POLQ: variants seen among roughly 807,000 people sequenced by gnomAD.
The protein encoded by POLQ is epididymis secretory sperm binding protein.
POLQ carries 233 observed loss-of-function variants against 259.2 expected under a neutral mutation model. The observed-to-expected ratio is 0.90, with a 90% confidence interval of 0.81 to 1.00. The LOEUF is 1.00. Among genes scored for constraint, POLQ ranks in the 50% least tolerant of loss-of-function variants. The probability of loss-of-function intolerance (pLI) is 0.00; values close to 1 mark genes in which losing one functional copy is unlikely to be tolerated. For synonymous variants in POLQ, 1,025 were observed against 1,048.8 expected (o/e 0.98, Z 0.44); for missense variants, 2,871 against 3,051.6 (o/e 0.94, Z 1.39).
At chr3:121,453,183 T>G (rs1439940287) in intron 25 of POLQ, among the ~76,000 whole-genome samples, 1 of 152,136 alleles carries the variant, frequency 6.6e-6, no homozygotes, top group East Asian at 1.9e-4. Flanking sequence ...GAGGGTCCTG[T>G]CTGTTAGAAG....
chr3:121,480,284 G>A (rs2047960291), intron 19 of POLQ, among the ~76,000 whole-genome samples: 1 of 151,998 alleles, frequency 6.6e-6, no homozygotes, highest in African/African-American at 2.4e-5. Flanking sequence ...TATGTCAGAT[G>A]AGAATACCTC....
At chr3:121,497,724 A>G (rs2048135927) in intron 13 of POLQ, among the ~76,000 whole-genome samples, 2 of 152,208 alleles carry the variant, frequency 1.3e-5, no homozygotes, top group Admixed American at 1.3e-4. Flanking sequence ...GGCATGAGCC[A>G]CTGCACCCAG....
intron 9 of POLQ, among the ~76,000 whole-genome samples, chr3:121,519,383 T>TAC (rs1560105386): frequency 6.9e-6 from 1 of 145,552 alleles, no homozygotes; most frequent in Non-Finnish European, 1.5e-5. Flanking sequence ...TATATATATA[T>TAC]ATGAAAATTA....
rs997289677 is a variant in POLQ, at chr3:121,544,921, A to G, written c.164-15T>C. Reference sequence around the variant, plus strand: ...CTTGCATTCTCCTTTTAGGAAAAAGAAAAAATTAAAATTTAATTTACTTCT... The same window carrying G: ...CTTGCATTCTCCTTTTAGGAAAAAGGAAAAATTAAAATTTAATTTACTTCT... On this transcript the variant is annotated splice_polypyrimidine_tract_variant and intron_variant, in intron 1 of 29. Coordinates refer to ENST00000264233, the MANE Select transcript of POLQ (RefSeq NM_199420.4). 2.0e-6 allele frequency: 3 copies of G among 1,521,282 alleles called. No homozygotes were observed. The African/African-American group carries it at 4.2e-5, about 21-fold the overall frequency. 94.2% of individuals were successfully genotyped at this position (1,521,282 alleles called of 1,614,324 possible).
rs534898552 is a variant in POLQ at position 121,463,766 on chromosome 3, C to CT, written c.6968-3533dup. Among the ~76,000 whole-genome samples the CT allele has an allele frequency of 3.7e-3, 567 of 151,930 alleles. 2 individuals carry two copies. The highest frequency in any genetic ancestry group is 0.013 in the African/African-American group (540 of 41,476). ...GCTCTAGCTTTGTCATTAAAAACTT[C>CT]TTTTTTTTAGATTTTTAAACAGGAG... On this transcript the variant is annotated intron_variant, in intron 24 of 29. Coordinates refer to ENST00000264233, the MANE Select transcript of POLQ (RefSeq NM_199420.4).
In POLQ at chr3:121,488,765, T is replaced by G; in HGVS notation, c.4166A>C (p.His1389Pro). 6.2e-7 allele frequency: 1 copy of G among 1,613,906 alleles called. No homozygotes were observed. Among genetic ancestry groups the G allele is most frequent in the Non-Finnish European group, 8.5e-7 (1 of 1,179,834 alleles). The change falls in exon 16 of 30, where the codon CAT (histidine) becomes CCT (proline). Residue 1389 changes from histidine to proline, a missense_variant. Transcript: ENST00000264233. The stretch of plus-strand genomic sequence containing the variant: ...AGTACCTACAGTCTTAAGGTCCAAA[T>G]GATCTATCTTAGTCGCTCCTAGAGG... ...QHPLGATKID[H>P]LDLKTVGTMK...
intron 7 of POLQ, among the ~76,000 whole-genome samples, chr3:121,526,013 T>C (rs1268350676): frequency 6.6e-6 from 1 of 152,154 alleles, no homozygotes; most frequent in Non-Finnish European, 1.5e-5. Context: ...TCTATCGGGG[T>C]TCTCTTCCAT....
chr3:121,542,682 C>T (rs2108822913), intron 2 of POLQ, among the ~76,000 whole-genome samples: 1 of 152,246 alleles, frequency 6.6e-6, no homozygotes, highest in African/African-American at 2.4e-5. Context: ...ATAAAGATCA[C>T]TTTGGACTGG....
intron 12 of POLQ, among the ~76,000 whole-genome samples, chr3:121,501,661 C>CAAAAAAA (rs60180456): frequency 1.5e-4 from 6 of 39,912 alleles, no homozygotes; most frequent in Non-Finnish European, 1.6e-4. Flanking sequence ...GACTCCGTCT[C>CAAAAAAA]AAAAAAAAAA....
At chr3:121,496,209 C>A (rs887610354) in intron 14 of POLQ, among the ~76,000 whole-genome samples, 6 of 149,600 alleles carry the variant, frequency 4.0e-5, no homozygotes, top group Middle Eastern at 3.5e-3. Context: ...CAGAGTCTCG[C>A]TCTGTCACCC....
At chr3:121,486,643 C>T (rs2048014083) in intron 16 of POLQ, among the ~76,000 whole-genome samples, 1 of 152,108 alleles carries the variant, frequency 6.6e-6, no homozygotes, top group Admixed American at 6.5e-5. Context: ...ACAGGTGGAT[C>T]ACTTGAGGTC....
chr3:121,498,423 T>G, intron 13 of POLQ, 54 bp downstream of exon 13: 1 of 1,266,508 alleles, frequency 7.9e-7, no homozygotes. Context: ...GGGCGTCTAC[T>G]ACATGCAAGA....
Position 121,488,113 on chromosome 3 carries a change from T to C in POLQ, c.4818A>G (p.Gln1606=). The change falls in exon 16 of 30, where the codon CAA becomes CAG. Residue 1606 remains glutamine, a synonymous_variant. Transcript: ENST00000264233. The part of the protein sequence containing the change: ...PVLDEHHQGD[Q]DGGDQDERAE... Reference sequence around the variant, plus strand: ...CCCTTTCATCTTGATCTCCTCCATCTTGATCACCTTGGTGGTGCTCATCAA... The same window carrying C: ...CCCTTTCATCTTGATCTCCTCCATCCTGATCACCTTGGTGGTGCTCATCAA... The C allele has an allele frequency of 6.2e-7, 1 of 1,613,726 alleles. No homozygotes were observed.
chr3:121,483,873 A>G (rs926141471), intron 17 of POLQ, among the ~76,000 whole-genome samples: 6 of 152,160 alleles, frequency 3.9e-5, no homozygotes, highest in African/African-American at 1.4e-4. Flanking sequence ...TACATTTCCC[A>G]AAATGAGGAG....
Position 121,488,520 on chromosome 3 carries a change from C to T in POLQ, c.4411G>A (p.Val1471Ile). The change falls in exon 16 of 30, where the codon GTA becomes ATA. Residue 1471 changes from valine to isoleucine, a missense_variant. Around this residue, in one of 3 missense-constraint regions of POLQ, gnomAD observed 2,080 missense variants for 2,126.0 expected, o/e 0.98. Coordinates refer to ENST00000264233, the MANE Select transcript of POLQ (RefSeq NM_199420.4). ...LIPQKRTPTG[V>I]EGECLPVPET... ...GGAACTGGAAGACATTCTCCTTCTA[C>T]ACCAGTGGGAGTTCTCTTTTGAGGA... The T allele has an allele frequency of 1.9e-6, 3 of 1,610,594 alleles. No individual in the cohort carries two copies. The highest frequency in any genetic ancestry group is 1.7e-5 in the Admixed American group (1 of 59,408).
At chr3:121,527,130 G>A (rs1049462196) in intron 7 of POLQ, among the ~76,000 whole-genome samples, 3 of 151,950 alleles carry the variant, frequency 2.0e-5, no homozygotes, top group Admixed American at 6.6e-5. Flanking sequence ...GCACGATCTC[G>A]GCTCACTGCA....
chr3:121,507,079 G>C (rs550124497), intron 12 of POLQ, among the ~76,000 whole-genome samples: 14 of 152,056 alleles, frequency 9.2e-5, no homozygotes, highest in Non-Finnish European at 2.1e-4. Flanking sequence ...AAAGAGAAGA[G>C]ATACATTAAA....
intron 7 of POLQ, among the ~76,000 whole-genome samples, chr3:121,528,183 G>A (rs994891744): frequency 1.1e-4 from 17 of 152,012 alleles, no homozygotes; most frequent in South Asian, 2.1e-4. Context: ...GTAAAGTGGC[G>A]TGATCTCGGC....
At chr3:121,459,205 G>A (rs1454169944) in intron 25 of POLQ, among the ~76,000 whole-genome samples, 2 of 151,966 alleles carry the variant, frequency 1.3e-5, no homozygotes, top group Non-Finnish European at 2.9e-5. Context: ...TAACTTCAAC[G>A]GCTAAAAAGC....
Sources: gnomAD v4.1 joint callset for allele counts (sites outside exome capture counted in the v4.1 genomes callset) on GRCh38, gnomAD v4.1.1 for gene constraint, gnomAD v4.1.1 regional missense constraint, MANE v1.5 for transcripts, NCBI Gene and HGNC (gene_info 2026-07-23, HGNC 2026-07-21) for gene names.